Variants in RTN4RL1 observed in about 807,000 individuals in gnomAD.
RTN4RL1 encodes the protein reticulon-4 receptor-like 1.
In RTN4RL1, 7 loss-of-function variants were observed where a neutral mutation model predicts 25.6. That is an observed-to-expected ratio of 0.27 (90% CI 0.16 to 0.51). The LOEUF is 0.51. RTN4RL1 is among the 20% of genes least tolerant of loss of function. The pLI, the probability that RTN4RL1 is intolerant of heterozygous loss-of-function variation, is 0.97. For synonymous variants in RTN4RL1, 297 were observed against 288.2 expected, an observed-to-expected ratio of 1.03 and a Z score of -0.31; for missense variants, 500 against 615.6, an observed-to-expected ratio of 0.81 and a Z score of 1.99.
In RTN4RL1 at chr17:1,937,064, T is replaced by C; in HGVS notation, c.758A>G (p.Asn253Ser). The C allele has an allele frequency of 4.4e-6, 7 of 1,605,588 alleles. No homozygotes were observed. The highest frequency in any genetic ancestry group is 5.9e-6 in the Non-Finnish European group (7 of 1,177,632). ...PLGALEFLRL[N>S]GNPWDCGCRA... ...ACAACCACAGTCCCAGGGGTTGCCG[T>C]TGAGGCGGAGGAACTCCAGGGCCCC... is the stretch of plus-strand genomic sequence containing the variant. The change falls in exon 2 of 2, where the codon AAC (asparagine) becomes AGC (serine). Residue 253 changes from asparagine to serine, a missense_variant. Transcript: ENST00000331238.
intron 1 of RTN4RL1, among the ~76,000 whole-genome samples, chr17:1,973,375 A>G (rs2066828856): frequency 6.6e-6 from 1 of 151,664 alleles, no homozygotes; most frequent in African/African-American, 2.4e-5. Context: ...TAAAAAAAAA[A>G]AAAAAAAAAG....
chr17:2,024,666 C>G (rs1267151180), intron 1 of RTN4RL1, among the ~76,000 whole-genome samples, 187 bp downstream of exon 1: 4 of 152,130 alleles, frequency 2.6e-5, no homozygotes, highest in Non-Finnish European at 5.9e-5. Flanking sequence ...AACCCCGTGT[C>G]TCACAACTGG....
intron 1 of RTN4RL1, among the ~76,000 whole-genome samples, chr17:1,939,215 T>A (rs185571495): frequency 1.3e-5 from 2 of 148,242 alleles, no homozygotes; most frequent in Admixed American, 6.8e-5. Context: ...TAGCCGGGCG[T>A]GGTGGCGCGC....
chr17:1,962,133 AT>A (rs2066766774), intron 1 of RTN4RL1, among the ~76,000 whole-genome samples: 1 of 132,282 alleles, frequency 7.6e-6, no homozygotes, highest in Non-Finnish European at 1.7e-5. Flanking sequence ...AAAAAAAAAA[AT>A]TAGCCAGGCG....
intron 1 of RTN4RL1, among the ~76,000 whole-genome samples, chr17:1,996,825 T>G (rs980532192): frequency 8.5e-5 from 13 of 152,214 alleles, no homozygotes; most frequent in African/African-American, 3.1e-4. Flanking sequence ...AGTCTGGGTC[T>G]CGGAGACAGG....
chr17:1,996,621 C>G (rs943537041), intron 1 of RTN4RL1, among the ~76,000 whole-genome samples: 1 of 152,210 alleles, frequency 6.6e-6, no homozygotes, highest in African/African-American at 2.4e-5. Context: ...AAATGCAGGT[C>G]TGTTTGCTGT....
chr17:1,971,932 A>T (rs60436970), intron 1 of RTN4RL1, among the ~76,000 whole-genome samples: 13,474 of 144,010 alleles, frequency 0.094, 896 homozygotes, highest in African/African-American at 0.16. Context: ...ACTGCACTCC[A>T]GCCTGGGCGA....
At chr17:1,977,682 C>T (rs1303711508) in intron 1 of RTN4RL1, among the ~76,000 whole-genome samples, 7 of 152,114 alleles carry the variant, frequency 4.6e-5, no homozygotes, top group Admixed American at 4.6e-4. Flanking sequence ...AAACCAATGT[C>T]ATCCGTCTCC....
intron 1 of RTN4RL1, among the ~76,000 whole-genome samples, chr17:1,965,822 C>T (rs1045619427): frequency 1.8e-4 from 28 of 152,172 alleles, no homozygotes; most frequent in Admixed American, 6.5e-4. Context: ...GGACTCTCCG[C>T]CCTCGTCTGG....
In RTN4RL1 at chr17:1,935,910, C is replaced by T; in HGVS notation, c.*586G>A. On this transcript the variant is annotated 3_prime_UTR_variant, in exon 2 of 2. Coordinates refer to ENST00000331238, the MANE Select transcript of RTN4RL1 (RefSeq NM_178568.4). ...ACCCCAGCAGTTGGACCTGGGTCTGCCAGGGTTGCCTGAGACATCAGGAAT... is the reference window on the plus strand; with the variant it reads ...ACCCCAGCAGTTGGACCTGGGTCTGTCAGGGTTGCCTGAGACATCAGGAAT... 1 of 985,516 alleles carries T rather than the reference C, an allele frequency of 1.0e-6. No individual in the cohort carries two copies. The highest frequency in any genetic ancestry group is 1.2e-6 in the Non-Finnish European group (1 of 829,896). The allele number at this position is 985,516 out of a possible 1,614,324, so 61.0% of individuals were successfully genotyped here.
intron 1 of RTN4RL1, among the ~76,000 whole-genome samples, chr17:1,976,406 A>T (rs926721648): frequency 6.6e-6 from 1 of 152,206 alleles, no homozygotes; most frequent in Non-Finnish European, 1.5e-5. Context: ...TCTCAGTTTC[A>T]CTGTAAGGTT....
chr17:2,021,658 A>G (rs1052800104), intron 1 of RTN4RL1, among the ~76,000 whole-genome samples: 9 of 148,058 alleles, frequency 6.1e-5, no homozygotes, highest in East Asian at 2.0e-4. Flanking sequence ...GGGTTCAAGC[A>G]ATTCTCCTGC....
chr17:2,024,771 C>T (rs1418901787), intron 1 of RTN4RL1, 82 bp downstream of exon 1: 30 of 1,426,480 alleles, frequency 2.1e-5, no homozygotes, highest in Non-Finnish European at 2.7e-5. Flanking sequence ...AGACCGGGAG[C>T]CCCGGCGCCG....
chr17:1,982,017 C>T (rs1176826994), intron 1 of RTN4RL1, among the ~76,000 whole-genome samples: 2 of 152,222 alleles, frequency 1.3e-5, no homozygotes, highest in African/African-American at 4.8e-5. Context: ...TGTATTGAAA[C>T]TGGCCGGCAC....
rs911323448 is a variant in RTN4RL1, at chr17:2,000,708, T to C, written c.13+24145A>G. Among the ~76,000 whole-genome samples, 6 of 152,008 alleles carry C rather than the reference T, an allele frequency of 3.9e-5. No individual in the cohort carries two copies. In the East Asian group the frequency reaches 1.2e-3, roughly 30 times the overall value. ...CTAATTTTTGTATTTTTAGTAGAGATGGGGTTTCGCCATGTTGGCCAGGCT... is the reference window on the plus strand; with the variant it reads ...CTAATTTTTGTATTTTTAGTAGAGACGGGGTTTCGCCATGTTGGCCAGGCT... On this transcript the variant is annotated intron_variant, in intron 1 of 1. Transcript: ENST00000331238.
At position 1,970,606 on chromosome 17, in the gene RTN4RL1, G is replaced by A. The variant is rs1398091780; in HGVS notation, c.14-32798C>T. On this transcript the variant is annotated intron_variant, in intron 1 of 1. Transcript: ENST00000331238. ...TGGCCACGACCCAGCTTCCTTCCCC[G>A]CTGACACTGTGTTCTTGGTCTCTGT... 3.9e-5 allele frequency among the ~76,000 whole-genome samples: 6 copies of A among 152,146 alleles called. No individual in the cohort carries two copies. In the South Asian group the frequency reaches 6.2e-4, roughly 16 times the overall value.
At chr17:1,974,586 C>T (rs1484457879) in intron 1 of RTN4RL1, among the ~76,000 whole-genome samples, 1 of 152,122 alleles carries the variant, frequency 6.6e-6, no homozygotes, top group Non-Finnish European at 1.5e-5. Context: ...CAAGAACCCA[C>T]TGGTGTTACT....
At chr17:1,995,968 G>A (rs757472791) in intron 1 of RTN4RL1, among the ~76,000 whole-genome samples, 6 of 152,172 alleles carry the variant, frequency 3.9e-5, no homozygotes, top group Admixed American at 6.5e-5. Flanking sequence ...GCTGTTAGGC[G>A]GGTGGCGATA....
chr17:1,999,711 TGC>T (rs1567520908), intron 1 of RTN4RL1, among the ~76,000 whole-genome samples: 5 of 151,918 alleles, frequency 3.3e-5, no homozygotes, highest in Non-Finnish European at 7.4e-5. Context: ...CACACACTCT[TGC>T]GTGCTGACTG....
Sources: gnomAD v4.1 joint callset for allele counts (sites outside exome capture counted in the v4.1 genomes callset) on GRCh38, gnomAD v4.1.1 for gene constraint, MANE v1.5 for transcripts, NCBI Gene and HGNC (gene_info 2026-07-23, HGNC 2026-07-21) for gene names.